SGCG: variants seen among roughly 807,000 people sequenced by gnomAD.
SGCG encodes the protein gamma-sarcoglycan.
SGCG carries 26 observed loss-of-function variants against 29.3 expected under a neutral mutation model. The ratio of observed to expected loss-of-function variants is 0.89; its 90% confidence interval spans 0.65 to 1.23. The LOEUF (loss-of-function observed/expected upper bound fraction) is 1.23, where lower values mean the gene tolerates loss of function less well. Ranked by LOEUF, SGCG falls within the 50% of genes most tolerant of loss-of-function variation. The probability of loss-of-function intolerance (pLI) is 0.00; values close to 1 mark genes in which losing one functional copy is unlikely to be tolerated. For missense variants in SGCG, 353 were observed against 356.0 expected (o/e 0.99, Z 0.07); for synonymous variants, 145 against 129.7 (o/e 1.12, Z -0.80).
chr13:23,211,811 A>G (rs1039382320), intron 2 of SGCG, among the ~76,000 whole-genome samples: 3 of 152,010 alleles, frequency 2.0e-5, no homozygotes, highest in Non-Finnish European at 2.9e-5. Flanking sequence ...TCTTCTCTCT[A>G]TCTAGAGCAT....
chr13:23,162,755 TG>T, the SGCG span, among the ~76,000 whole-genome samples: 1 of 151,828 alleles, frequency 6.6e-6, no homozygotes, highest in Non-Finnish European at 1.5e-5. Context: ...CACTTGAACC[TG>T]GGTGGCGAAG....
intron 2 of SGCG, among the ~76,000 whole-genome samples, chr13:23,210,007 G>A (rs1044919301): frequency 2.0e-5 from 3 of 152,072 alleles, no homozygotes; most frequent in Non-Finnish European, 4.4e-5. Flanking sequence ...CTAAATAAAC[G>A]TACCTGATGA....
rs547076104 is a variant in SGCG at position 23,312,613 on chromosome 13, CA to C, written c.579-8023del. On this transcript the variant is annotated intron_variant, in intron 6 of 7. Coordinates refer to ENST00000218867, the MANE Select transcript of SGCG (RefSeq NM_000231.3). ...GATAGCCGTAGCAGGTTGGGAGGAT[CA>C]GGGGGTGAGGGATGAGAAATCACTT... Among the ~76,000 whole-genome samples, 113 of 152,204 alleles carry C rather than the reference CA, an allele frequency of 7.4e-4. 2 individuals carry two copies. The South Asian group carries it at 0.021, about 28-fold the overall frequency.
intron 2 of SGCG, among the ~76,000 whole-genome samples, chr13:23,224,883 G>C (rs763377041): frequency 6.6e-6 from 1 of 151,922 alleles, no homozygotes; most frequent in Non-Finnish European, 1.5e-5. Context: ...TAGGGCCCAG[G>C]TGTCTGATTC....
chr13:23,192,662 C>G lies in SGCG; in HGVS notation c.1-11033C>G, dbSNP rs140063153. Among the ~76,000 whole-genome samples the G allele has an allele frequency of 6.0e-3, 913 of 152,290 alleles. 8 individuals carry two copies. The highest frequency in any genetic ancestry group is 7.1e-3 in the Non-Finnish European group (482 of 68,032). ...CCACCTGCCTCAGCCTCCCAGAGTGCTGGGATTACAGGCGTGAGCCATGGC... is the reference window on the plus strand; with the variant it reads ...CCACCTGCCTCAGCCTCCCAGAGTGGTGGGATTACAGGCGTGAGCCATGGC... On this transcript the variant is annotated intron_variant, in intron 1 of 7. Coordinates refer to ENST00000218867, the MANE Select transcript of SGCG (RefSeq NM_000231.3).
At chr13:23,313,974 G>T (rs183702497) in intron 6 of SGCG, among the ~76,000 whole-genome samples, 2 of 152,212 alleles carry the variant, frequency 1.3e-5, no homozygotes, top group East Asian at 3.9e-4. Flanking sequence ...TATGCTGGAC[G>T]CTTCCTGCCC....
At chr13:23,269,723 C>T (rs1179718641) in intron 4 of SGCG, among the ~76,000 whole-genome samples, 1 of 151,908 alleles carries the variant, frequency 6.6e-6, no homozygotes, top group African/African-American at 2.4e-5. Flanking sequence ...GCATAGTACC[C>T]TATTATGTGG....
At chr13:23,324,251 C>T (rs1883147679) in intron 7 of SGCG, 117 bp from the exon 8 acceptor site, 1 of 864,704 alleles carries the variant, frequency 1.2e-6, no homozygotes, top group Non-Finnish European at 1.9e-6. Flanking sequence ...AAGTCAGGTG[C>T]CTATTTTGTT....
intron 4 of SGCG, among the ~76,000 whole-genome samples, chr13:23,263,841 G>A (rs542349818): frequency 3.9e-5 from 6 of 152,144 alleles, no homozygotes; most frequent in African/African-American, 1.4e-4. Context: ...GATCATCTCA[G>A]TAGATGCAGA....
intron 6 of SGCG, among the ~76,000 whole-genome samples, chr13:23,309,835 G>A (rs1014396372): frequency 6.6e-6 from 1 of 152,074 alleles, no homozygotes; most frequent in Non-Finnish European, 1.5e-5. Flanking sequence ...TGTATTTAAT[G>A]AAGTTTCTCT....
intron 6 of SGCG, among the ~76,000 whole-genome samples, chr13:23,311,334 A>G (rs1032176214): frequency 1.3e-5 from 2 of 152,210 alleles, no homozygotes; most frequent in African/African-American, 4.8e-5. Flanking sequence ...GAACTTCTTC[A>G]GTTCTTCAGT....
intron 4 of SGCG, among the ~76,000 whole-genome samples, chr13:23,277,423 A>T (rs897544648): frequency 1.2e-4 from 19 of 152,252 alleles, no homozygotes; most frequent in African/African-American, 4.6e-4. Flanking sequence ...TAAAAAAAAA[A>T]AGGAGATGTA....
In SGCG at chr13:23,215,213, G is replaced by A. The variant is rs537116000; in HGVS notation, c.195+11324G>A. Among the ~76,000 whole-genome samples the A allele has an allele frequency of 3.9e-5, 6 of 152,188 alleles. No homozygotes were observed. The East Asian group carries it at 1.2e-3, about 29-fold the overall frequency. The stretch of plus-strand genomic sequence containing the variant: ...CTGCAGCTCACTTTCCTGTCACAGG[G>A]AATATTCTTATAACAAAATTAATGG... On this transcript the variant is annotated intron_variant, in intron 2 of 7. Coordinates refer to ENST00000218867, the MANE Select transcript of SGCG (RefSeq NM_000231.3).
chr13:23,288,066 T>G (rs903108045), intron 5 of SGCG, among the ~76,000 whole-genome samples: 3 of 152,170 alleles, frequency 2.0e-5, no homozygotes, highest in Admixed American at 1.3e-4. Context: ...AAGAATGTTT[T>G]TATAAGCTTT....
At chr13:23,166,543 ATT>A in the SGCG span, among the ~76,000 whole-genome samples, 1 of 152,020 alleles carries the variant, frequency 6.6e-6, no homozygotes, top group Non-Finnish European at 1.5e-5. Context: ...TGTCTCTCAA[ATT>A]TGCCATAGCA....
intron 1 of SGCG, among the ~76,000 whole-genome samples, chr13:23,185,518 C>T (rs1418862950): frequency 6.6e-6 from 1 of 152,112 alleles, no homozygotes; most frequent in Non-Finnish European, 1.5e-5. Context: ...CCAATTTTTC[C>T]AACAGCAATT....
chr13:23,303,258 C>T (rs920646790), intron 6 of SGCG, among the ~76,000 whole-genome samples: 2 of 152,178 alleles, frequency 1.3e-5, no homozygotes, highest in South Asian at 2.1e-4. Flanking sequence ...TGCAAGCTCC[C>T]AGCCTGGCAG....
intron 4 of SGCG, among the ~76,000 whole-genome samples, chr13:23,252,520 T>G (rs1880008399): frequency 6.6e-6 from 1 of 151,978 alleles, no homozygotes; most frequent in Non-Finnish European, 1.5e-5. Flanking sequence ...TGAAACCACG[T>G]CTCTACTAAA....
intron 3 of SGCG, among the ~76,000 whole-genome samples, chr13:23,248,837 C>G (rs777522162): frequency 3.3e-5 from 5 of 149,820 alleles, no homozygotes; most frequent in African/African-American, 7.4e-5. Context: ...CTAAAACTAC[C>G]AAAAATTAGG....
Sources: allele counts gnomAD v4.1 joint callset (sites outside exome capture counted in the v4.1 genomes callset), GRCh38; gene constraint gnomAD v4.1.1; transcripts MANE v1.5; gene names NCBI Gene and HGNC (gene_info 2026-07-23, HGNC 2026-07-21).